NELL1: variants seen among roughly 807,000 people sequenced by gnomAD.
NELL1 encodes protein kinase C-binding protein NELL1.
A neutral mutation model predicts 107.4 loss-of-function variants in NELL1; 76 were observed. The ratio of observed to expected loss-of-function variants is 0.71; its 90% CI spans 0.59 to 0.86. NELL1 has a LOEUF of 0.86. NELL1 is among the 40% of genes least tolerant of loss of function. The pLI is 0.00. For missense variants in NELL1, 1,024 were observed against 1,005.5 expected, an observed-to-expected ratio of 1.02 and a Z score of -0.25; for synonymous variants, 353 against 341.2, an observed-to-expected ratio of 1.03 and a Z score of -0.38.
chr11:20,880,357 A>T (rs1278867300), intron 4 of NELL1, among the ~76,000 whole-genome samples: 1 of 152,240 alleles, frequency 6.6e-6, no homozygotes, highest in Non-Finnish European at 1.5e-5. Flanking sequence ...ACACAATGTC[A>T]GCACAGACTA....
intron 12 of NELL1, among the ~76,000 whole-genome samples, chr11:21,104,317 A>G (rs538960159): frequency 6.6e-6 from 1 of 152,300 alleles, no homozygotes; most frequent in East Asian, 1.9e-4. Context: ...AGTCAGAAAT[A>G]CCAGGTTGGG....
intron 13 of NELL1, among the ~76,000 whole-genome samples, chr11:21,161,615 C>T (rs1015190431): frequency 6.6e-6 from 1 of 152,024 alleles, no homozygotes; most frequent in African/African-American, 2.4e-5. Flanking sequence ...CAGGACTGAC[C>T]AAATATAATT....
chr11:21,005,820 G>A (rs990280267), intron 12 of NELL1, among the ~76,000 whole-genome samples: 3 of 152,114 alleles, frequency 2.0e-5, no homozygotes, highest in Non-Finnish European at 2.9e-5. Flanking sequence ...TGCCACCACG[G>A]TATACTTATT....
rs1028024580 is a variant in NELL1, at chr11:20,884,607, C to T, written c.507-837C>T. Among the ~76,000 whole-genome samples the T allele has an allele frequency of 8.5e-5, 13 of 152,214 alleles. No homozygotes were observed. The East Asian group carries it at 1.2e-3, about 14-fold the overall frequency. ...ATAAAAAGATTTGGGACCAACTAAC[C>T]GGACCTTGGTAGGATGGAATAACTG... On this transcript the variant is annotated intron_variant, in intron 4 of 19. Coordinates refer to ENST00000357134, the MANE Select transcript of NELL1 (RefSeq NM_006157.5).
At chr11:21,279,691 T>C (rs1033796564) in intron 14 of NELL1, among the ~76,000 whole-genome samples, 3 of 152,206 alleles carry the variant, frequency 2.0e-5, no homozygotes, top group African/African-American at 7.2e-5. Context: ...GTTCTTACCA[T>C]GCGATACAGC....
At chr11:21,473,146 G>A (rs1854225842) in intron 15 of NELL1, among the ~76,000 whole-genome samples, 1 of 152,026 alleles carries the variant, frequency 6.6e-6, no homozygotes, top group African/African-American at 2.4e-5. Context: ...GAAGCTTCAT[G>A]ACTGTAGCAG....
intron 13 of NELL1, among the ~76,000 whole-genome samples, chr11:21,222,461 G>T (rs200732196): frequency 6.6e-6 from 1 of 152,032 alleles, no homozygotes; most frequent in East Asian, 1.9e-4. Flanking sequence ...CTCCCAAAGT[G>T]CTGGGATTAC....
intron 13 of NELL1, among the ~76,000 whole-genome samples, chr11:21,181,718 G>T (rs185461677): frequency 6.6e-6 from 1 of 151,816 alleles, no homozygotes; most frequent in Admixed American, 6.5e-5. Flanking sequence ...CTCTATTATC[G>T]CAGGCTAAAT....
intron 15 of NELL1, among the ~76,000 whole-genome samples, chr11:21,435,260 C>T (rs1036632549): frequency 6.6e-6 from 1 of 151,950 alleles, no homozygotes; most frequent in Non-Finnish European, 1.5e-5. Flanking sequence ...CTATCTTCTT[C>T]CAGCAATTAG....
intron 15 of NELL1, among the ~76,000 whole-genome samples, chr11:21,427,322 T>C (rs1160869798): frequency 2.6e-5 from 4 of 152,182 alleles, no homozygotes; most frequent in Non-Finnish European, 4.4e-5. Flanking sequence ...CTCCATCAAG[T>C]TGATGTAACA....
intron 13 of NELL1, among the ~76,000 whole-genome samples, chr11:21,119,876 T>C (rs2133739639): frequency 6.6e-6 from 1 of 152,218 alleles, no homozygotes; most frequent in African/African-American, 2.4e-5. Flanking sequence ...GGCTGTTTGA[T>C]AAGACATTAT....
intron 19 of NELL1, among the ~76,000 whole-genome samples, chr11:21,574,751 T>C (rs1857182861): frequency 6.6e-6 from 1 of 151,880 alleles, no homozygotes; most frequent in Non-Finnish European, 1.5e-5. Flanking sequence ...ATTGAACTGC[T>C]AGCAGAATCC....
chr11:21,468,949 C>A (rs1167430598), intron 15 of NELL1, among the ~76,000 whole-genome samples: 1 of 151,912 alleles, frequency 6.6e-6, no homozygotes, highest in Non-Finnish European at 1.5e-5. Context: ...GCTACTCTGC[C>A]TTTAGACACT....
chr11:20,963,840 A>G (rs998638868), intron 12 of NELL1, among the ~76,000 whole-genome samples: 1 of 152,150 alleles, frequency 6.6e-6, no homozygotes, highest in African/African-American at 2.4e-5. Context: ...AATATTACAC[A>G]CATTGTCCAG....
At chr11:21,102,298 A>G (rs11025920) in intron 12 of NELL1, among the ~76,000 whole-genome samples, 7,345 of 152,274 alleles carry the variant, frequency 0.048, 542 homozygotes, top group African/African-American at 0.16. Context: ...TTGGGGAACC[A>G]CAGACCTTTA....
At chr11:21,451,185 TAAAAAAA>T (rs35257979) in intron 15 of NELL1, among the ~76,000 whole-genome samples, 7 of 101,632 alleles carry the variant, frequency 6.9e-5, no homozygotes, top group South Asian at 3.3e-4. Flanking sequence ...AGACTCCGTC[TAAAAAAA>T]AAAAAAAAAA....
At chr11:21,130,446 T>C (rs2133756262) in intron 13 of NELL1, among the ~76,000 whole-genome samples, 1 of 152,266 alleles carries the variant, frequency 6.6e-6, no homozygotes, top group East Asian at 1.9e-4. Context: ...GGAACAGAGT[T>C]TTGGGTGGGG....
At chr11:21,066,953 C>CA (rs1853889234) in intron 12 of NELL1, among the ~76,000 whole-genome samples, 1 of 134,106 alleles carries the variant, frequency 7.5e-6, no homozygotes. Flanking sequence ...GACTCCATTG[C>CA]AAAAAAATTT....
At chr11:21,160,998 TATACACACAC>T (rs1231828770) in intron 13 of NELL1, among the ~76,000 whole-genome samples, 1 of 96,948 alleles carries the variant, frequency 1.0e-5, no homozygotes, top group African/African-American at 3.7e-5. Flanking sequence ...TGCTAGCCTT[TATACACACAC>T]ACACACACAC....
Sources: allele counts gnomAD v4.1 joint callset (sites outside exome capture counted in the v4.1 genomes callset), GRCh38; gene constraint gnomAD v4.1.1; transcripts MANE v1.5; gene names NCBI Gene and HGNC (gene_info 2026-07-23, HGNC 2026-07-21).